The following EFCAB11 variants were observed in gnomAD, a reference collection of about 807,000 sequenced individuals.
The protein encoded by EFCAB11 is EF-hand calcium-binding domain-containing protein 11.
Under a neutral mutation model 23.0 loss-of-function variants are expected in EFCAB11, and 14 were observed. That is an observed-to-expected ratio of 0.61 (90% confidence interval 0.40 to 0.95). The LOEUF (loss-of-function observed/expected upper bound fraction) is 0.95, where lower values mean the gene tolerates loss of function less well. EFCAB11 is among the 40% of genes least tolerant of loss of function. EFCAB11 has a pLI of 0.00. For synonymous variants in EFCAB11, 65 were observed against 66.6 expected (o/e 0.98, Z 0.11); for missense variants, 198 against 195.8 (o/e 1.01, Z -0.07).
chr14:89,855,608 C>T (rs557569338), intron 5 of EFCAB11, among the ~76,000 whole-genome samples: 2 of 151,918 alleles, frequency 1.3e-5, no homozygotes, highest in East Asian at 1.9e-4. Context: ...TGCACAGTTA[C>T]CCATTTTTTT....
rs1566805889 is a variant in EFCAB11, at chr14:89,907,436, T to C, written c.410+24105A>G. Among the ~76,000 whole-genome samples the C allele has an allele frequency of 2.0e-5, 3 of 152,218 alleles. No individual in the cohort carries two copies. In the South Asian group the frequency reaches 6.2e-4, roughly 31 times the overall value. ...GGTTTTTGATATTTTTATCAAAAGATTGTATGACCAAATTGCCAGAAATCA... is the reference window on the plus strand; with the variant it reads ...GGTTTTTGATATTTTTATCAAAAGACTGTATGACCAAATTGCCAGAAATCA... On this transcript the variant is annotated intron_variant, in intron 5 of 5. Transcript: ENST00000316738.
intron 3 of EFCAB11, among the ~76,000 whole-genome samples, chr14:89,945,922 T>A (rs922944241): frequency 5.2e-4 from 77 of 148,380 alleles, no homozygotes; most frequent in African/African-American, 2.0e-3. Context: ...ATTTTTTTTT[T>A]TTATTTTTTT....
chr14:89,903,445 A>G (rs1889399036), intron 5 of EFCAB11, among the ~76,000 whole-genome samples: 1 of 152,206 alleles, frequency 6.6e-6, no homozygotes. Flanking sequence ...AGAAATGGTC[A>G]TTTTCAGTGA....
intron 5 of EFCAB11, among the ~76,000 whole-genome samples, chr14:89,926,439 T>C (rs1418221736): frequency 6.6e-6 from 1 of 152,068 alleles, no homozygotes; most frequent in Non-Finnish European, 1.5e-5. Flanking sequence ...GGGGAGCTAC[T>C]ACAAAATAAC....
At chr14:89,830,667 T>A (rs4904625) in intron 5 of EFCAB11, 61,322 of 152,044 alleles carry the variant, frequency 0.4, 13,629 homozygotes, top group East Asian at 0.72. Context: ...ACCACCAGAC[T>A]TGCTTTCAGT....
chr14:89,840,823 G>C (rs1887237024), intron 5 of EFCAB11, among the ~76,000 whole-genome samples: 1 of 152,160 alleles, frequency 6.6e-6, no homozygotes. Flanking sequence ...ATTTGAATTG[G>C]TCAGAAAATG....
At chr14:89,833,231 A>G (rs1566776319) in intron 5 of EFCAB11, 1 of 151,320 alleles carries the variant, frequency 6.6e-6, no homozygotes, top group East Asian at 1.9e-4. Flanking sequence ...TTGTTATTAA[A>G]GTAACTGTGG....
At chr14:89,924,639 T>C (rs1890132269) in intron 5 of EFCAB11, 2 of 1,535,716 alleles carry the variant, frequency 1.3e-6, no homozygotes, top group Non-Finnish European at 1.7e-6. Context: ...GTCAGCTTCC[T>C]GATGACAGCC....
chr14:89,931,965 C>T (rs1890403858), intron 4 of EFCAB11, among the ~76,000 whole-genome samples: 1 of 152,176 alleles, frequency 6.6e-6, no homozygotes, highest in Non-Finnish European at 1.5e-5. Flanking sequence ...GTTGCCAAAA[C>T]AATGCAGTCT....
At chr14:89,800,962 G>A (rs892406739) in intron 5 of EFCAB11, among the ~76,000 whole-genome samples, 1 of 151,308 alleles carries the variant, frequency 6.6e-6, no homozygotes, top group African/African-American at 2.4e-5. Context: ...AGAATCACTT[G>A]AGCCTGGGAG....
chr14:89,891,919 G>A (rs959621194), intron 5 of EFCAB11, among the ~76,000 whole-genome samples: 1 of 152,070 alleles, frequency 6.6e-6, no homozygotes, highest in South Asian at 2.1e-4. Flanking sequence ...CCAAGCCCGA[G>A]CCCACGGTGG....
intron 5 of EFCAB11, among the ~76,000 whole-genome samples, chr14:89,927,745 G>C (rs1890240345): frequency 6.6e-6 from 1 of 151,418 alleles, no homozygotes; most frequent in Non-Finnish European, 1.5e-5. Context: ...TTTTGAGACG[G>C]AGTCTCGCTC....
intron 5 of EFCAB11, chr14:89,848,966 T>C (rs186797372): frequency 1.2e-4 from 18 of 152,184 alleles, no homozygotes; most frequent in African/African-American, 4.1e-4. Flanking sequence ...TAAAGCATTC[T>C]GGTTGAAAAG....
intron 5 of EFCAB11, chr14:89,923,521 A>T: frequency 4.4e-6 from 1 of 227,448 alleles, no homozygotes; most frequent in Non-Finnish European, 7.3e-6. Flanking sequence ...ATGAAATAAA[A>T]GTTGGGACCT....
intron 3 of EFCAB11, among the ~76,000 whole-genome samples, chr14:89,949,244 T>G (rs1891080263): frequency 6.6e-6 from 1 of 151,900 alleles, no homozygotes; most frequent in Non-Finnish European, 1.5e-5. Context: ...ATGTACCACC[T>G]CTCTATATAT....
At chr14:89,892,593 G>A (rs1889007845) in intron 5 of EFCAB11, 3 of 712,642 alleles carry the variant, frequency 4.2e-6, no homozygotes, top group Non-Finnish European at 6.5e-6. Flanking sequence ...TAGAGTCAAG[G>A]GTTTCTACAG....
chr14:89,909,565 G>C (rs1889603890), intron 5 of EFCAB11, among the ~76,000 whole-genome samples: 1 of 151,916 alleles, frequency 6.6e-6, no homozygotes, highest in East Asian at 1.9e-4. Context: ...TGGGCGACAG[G>C]GCAAGACTCT....
chr14:89,864,586 C>A (rs987152060), intron 5 of EFCAB11, among the ~76,000 whole-genome samples: 3 of 151,950 alleles, frequency 2.0e-5, no homozygotes, highest in Non-Finnish European at 2.9e-5. Context: ...CGTCAACATG[C>A]CCAGATAATT....
Position 89,931,643 on chromosome 14 carries a change from C to T in EFCAB11, c.320-12G>A, listed in dbSNP as rs73322695. On this transcript the variant is annotated splice_polypyrimidine_tract_variant and intron_variant, in intron 4 of 5. Coordinates refer to ENST00000316738, the MANE Select transcript of EFCAB11 (RefSeq NM_145231.4). ...TAAAAATCCACGATCTATTTGAAAA[C>T]AATAAAAAATATTCACTTACTTTAA... The T allele has an allele frequency of 4.4e-4, 703 of 1,609,738 alleles. 4 individuals carry two copies. In the African/African-American group the frequency reaches 8.7e-3, roughly 20 times the overall value.
Sources: allele counts gnomAD v4.1 joint callset (sites outside exome capture counted in the v4.1 genomes callset), GRCh38; gene constraint gnomAD v4.1.1; transcripts MANE v1.5; gene names NCBI Gene and HGNC (gene_info 2026-07-23, HGNC 2026-07-21).